Variants in TNFRSF21 observed in about 807,000 individuals in gnomAD.
TNFRSF21 encodes tumor necrosis factor receptor superfamily member 21.
TNFRSF21 carries 19 observed loss-of-function variants against 45.6 expected under a neutral mutation model. The observed-to-expected ratio is 0.42, with a 90% CI of 0.29 to 0.61. TNFRSF21 has a LOEUF of 0.61. Among genes scored for constraint, TNFRSF21 ranks in the 20% least tolerant of loss-of-function variants. The pLI, the probability that TNFRSF21 is intolerant of heterozygous loss-of-function variation, is 0.23. For synonymous variants in TNFRSF21, 314 were observed against 335.5 expected (o/e 0.94, Z 0.70); for missense variants, 737 against 851.5 (o/e 0.87, Z 1.67).
chr6:47,254,590 A>G (rs984924267), intron 3 of TNFRSF21, among the ~76,000 whole-genome samples: 1 of 152,214 alleles, frequency 6.6e-6, no homozygotes, highest in African/African-American at 2.4e-5. Context: ...CTGTCTAGGT[A>G]AAAGGTTTTC....
intron 1 of TNFRSF21, 97 bp downstream of exon 1, chr6:47,309,319 C>G (rs1344939751): frequency 7.0e-7 from 1 of 1,428,090 alleles, no homozygotes; most frequent in Non-Finnish European, 9.1e-7. Context: ...GGGCCCCGCG[C>G]CTCCCTAAGC....
chr6:47,278,436 G>A (rs190642880), intron 3 of TNFRSF21, among the ~76,000 whole-genome samples: 90 of 152,234 alleles, frequency 5.9e-4, no homozygotes, highest in African/African-American at 9.9e-4. Flanking sequence ...AGCTATGTGC[G>A]GCTACTGAGT....
intron 5 of TNFRSF21, among the ~76,000 whole-genome samples, chr6:47,233,867 G>T (rs939569240): frequency 1.1e-4 from 17 of 151,960 alleles, no homozygotes; most frequent in South Asian, 6.2e-4. Context: ...TCCCTACCCC[G>T]ATATTAAAAA....
intron 4 of TNFRSF21, among the ~76,000 whole-genome samples, chr6:47,239,268 A>G (rs904358863): frequency 7.0e-6 from 1 of 143,548 alleles, no homozygotes; most frequent in African/African-American, 2.7e-5. Flanking sequence ...CCTGGGCAAC[A>G]GAGCAAGACT....
intron 3 of TNFRSF21, among the ~76,000 whole-genome samples, chr6:47,261,842 T>C (rs573817547): frequency 6.6e-6 from 1 of 152,356 alleles, no homozygotes; most frequent in East Asian, 1.9e-4. Flanking sequence ...CATACCCACA[T>C]GTACCTGTGT....
chr6:47,234,366 A>G (rs1764630983), intron 5 of TNFRSF21, among the ~76,000 whole-genome samples: 1 of 152,254 alleles, frequency 6.6e-6, no homozygotes, highest in Non-Finnish European at 1.5e-5. Context: ...AAATCTTGCC[A>G]GACTACATTT....
At chr6:47,258,399 T>G (rs1211440141) in intron 3 of TNFRSF21, among the ~76,000 whole-genome samples, 6 of 141,042 alleles carry the variant, frequency 4.3e-5, no homozygotes, top group East Asian at 2.0e-4. Flanking sequence ...GTAATTGTGG[T>G]TTTTTTTTTT....
chr6:47,270,745 C>T (rs569421366), intron 3 of TNFRSF21, among the ~76,000 whole-genome samples: 3 of 152,170 alleles, frequency 2.0e-5, no homozygotes, highest in South Asian at 2.1e-4. Context: ...TTGAACCTAT[C>T]GCAAGGAAGC....
chr6:47,240,337 A>C (rs915456691), intron 4 of TNFRSF21, among the ~76,000 whole-genome samples: 1 of 152,222 alleles, frequency 6.6e-6, no homozygotes, highest in Non-Finnish European at 1.5e-5. Flanking sequence ...ATCTAACTGA[A>C]ACTTACTGCT....
intron 3 of TNFRSF21, among the ~76,000 whole-genome samples, chr6:47,278,060 A>C (rs1285094651): frequency 1.3e-5 from 2 of 152,170 alleles, no homozygotes; most frequent in Admixed American, 1.3e-4. Flanking sequence ...CCATGGGCTG[A>C]TGTGTTTCAC....
In TNFRSF21 at chr6:47,303,445, C is replaced by T. The variant is rs538085989; in HGVS notation, c.96+5971G>A. Among the ~76,000 whole-genome samples, 10 of 152,282 alleles carry T rather than the reference C, an allele frequency of 6.6e-5. No homozygotes were observed. In the South Asian group the frequency reaches 1.2e-3, roughly 19 times the overall value. On this transcript the variant is annotated intron_variant, in intron 1 of 5. Transcript: ENST00000296861. ...CACACCTGCCTGAGGTCTCTCTGAGCGCAACTTTCCCACCACTGCACACAT... is the reference window on the plus strand; with the variant it reads ...CACACCTGCCTGAGGTCTCTCTGAGTGCAACTTTCCCACCACTGCACACAT...
rs566393172 is a variant in TNFRSF21 at position 47,249,616 on chromosome 6, T to G, written c.1509+3640A>C. Reference sequence around the variant, plus strand: ...TGGAAAAGATCAATATGCAGATAAATCTGTGTGACTCCTGACTGTGTAAAA... The same window carrying G: ...TGGAAAAGATCAATATGCAGATAAAGCTGTGTGACTCCTGACTGTGTAAAA... On this transcript the variant is annotated intron_variant, in intron 4 of 5. Coordinates refer to ENST00000296861, the MANE Select transcript of TNFRSF21 (RefSeq NM_014452.5). Among the ~76,000 whole-genome samples the G allele has an allele frequency of 7.2e-4, 109 of 152,298 alleles. No individual in the cohort carries two copies. In the South Asian group the frequency reaches 0.022, roughly 30 times the overall value.
chr6:47,281,505 C>T (rs552349427), intron 3 of TNFRSF21, among the ~76,000 whole-genome samples: 18 of 151,928 alleles, frequency 1.2e-4, no homozygotes, highest in African/African-American at 2.4e-4. Context: ...CCTAGCCTCC[C>T]GAAAAACTGG....
chr6:47,237,750 A>G (rs570145390), intron 4 of TNFRSF21, among the ~76,000 whole-genome samples: 15 of 152,232 alleles, frequency 9.9e-5, no homozygotes, highest in South Asian at 4.1e-4. Context: ...AATATTTTAT[A>G]CATACATCCT....
intron 3 of TNFRSF21, among the ~76,000 whole-genome samples, chr6:47,262,229 A>G (rs1409877106): frequency 6.6e-6 from 1 of 152,258 alleles, no homozygotes. Flanking sequence ...AAAACAGTAG[A>G]CAATTTTCCA....
At chr6:47,233,169 C>T (rs1028023004) in intron 5 of TNFRSF21, among the ~76,000 whole-genome samples, 175 bp from the exon 6 acceptor site, 2 of 152,192 alleles carry the variant, frequency 1.3e-5, no homozygotes, top group African/African-American at 4.8e-5. Flanking sequence ...CGAAACAACA[C>T]AAGAGTTTTT....
chr6:47,307,915 G>C (rs1762961930), intron 1 of TNFRSF21, among the ~76,000 whole-genome samples: 1 of 152,156 alleles, frequency 6.6e-6, no homozygotes, highest in South Asian at 2.1e-4. Context: ...TGTGAAAAAG[G>C]AAATGATGAT....
At chr6:47,262,389 T>C (rs1198272333) in intron 3 of TNFRSF21, among the ~76,000 whole-genome samples, 1 of 152,234 alleles carries the variant, frequency 6.6e-6, no homozygotes, top group African/African-American at 2.4e-5. Flanking sequence ...TGTTAACTTA[T>C]TCATTCAACA....
At chr6:47,250,216 A>C (rs1009150248) in intron 4 of TNFRSF21, among the ~76,000 whole-genome samples, 11 of 152,226 alleles carry the variant, frequency 7.2e-5, no homozygotes, top group African/African-American at 2.4e-4. Context: ...AAGAGATAAC[A>C]TACAAACTGG....
Sources: gnomAD v4.1 joint callset for allele counts (sites outside exome capture counted in the v4.1 genomes callset) on GRCh38, gnomAD v4.1.1 for gene constraint, MANE v1.5 for transcripts, NCBI Gene and HGNC (gene_info 2026-07-23, HGNC 2026-07-21) for gene names.